Variants in AP2B1 observed in about 807,000 individuals in gnomAD.
AP2B1 encodes the protein AP-2 complex subunit beta.
AP2B1 carries 23 observed loss-of-function variants against 102.0 expected under a neutral mutation model. The observed-to-expected ratio is 0.23, with a 90% CI of 0.16 to 0.32. The LOEUF (loss-of-function observed/expected upper bound fraction) is 0.32, where lower values mean the gene tolerates loss of function less well. AP2B1 is among the 10% of genes least tolerant of loss of function. AP2B1 has a pLI of 1.00. For synonymous variants in AP2B1, 381 were observed against 421.2 expected, an observed-to-expected ratio of 0.90 and a Z score of 1.17; for missense variants, 541 against 1,157.4, an observed-to-expected ratio of 0.47 and a Z score of 7.73.
intron 11 of AP2B1, among the ~76,000 whole-genome samples, chr17:35,641,562 G>A (rs977615150): frequency 6.6e-6 from 1 of 152,102 alleles, no homozygotes. Context: ...GGGAGACCTT[G>A]TCTCAAAATA....
intron 5 of AP2B1, among the ~76,000 whole-genome samples, chr17:35,610,305 G>A (rs2073819909): frequency 1.3e-5 from 2 of 151,778 alleles, no homozygotes; most frequent in African/African-American, 4.8e-5. Context: ...CCACTACCAT[G>A]CCCGGCTAAT....
intron 13 of AP2B1, 64 bp downstream of exon 13, chr17:35,650,853 T>G: frequency 6.5e-7 from 1 of 1,545,996 alleles, no homozygotes; most frequent in East Asian, 2.3e-5. Flanking sequence ...TTGCTCTTCT[T>G]TATGCTTTTA....
At chr17:35,705,765 G>A (rs587606164) in intron 18 of AP2B1, among the ~76,000 whole-genome samples, 2 of 151,992 alleles carry the variant, frequency 1.3e-5, no homozygotes, top group African/African-American at 2.4e-5. Flanking sequence ...CAGGTAATCC[G>A]CCTGCCTCAG....
At position 35,666,037 on chromosome 17, in the gene AP2B1, CTT is replaced by C. The variant is rs3837826; in HGVS notation, c.1990-4819_1990-4818del. Among the ~76,000 whole-genome samples the C allele has an allele frequency of 1.4e-4, 22 of 152,252 alleles. No individual in the cohort carries two copies. The East Asian group carries it at 4.1e-3, about 28-fold the overall frequency. On this transcript the variant is annotated intron_variant, in intron 14 of 21. Transcript: ENST00000610402. ...ATTTATTCCCCTATATAACTTCAAT[CTT>C]GAGTTCCTTCTCTGTATTTCTGCTG...
intron 5 of AP2B1, among the ~76,000 whole-genome samples, chr17:35,608,789 C>T (rs2073770556): frequency 6.6e-6 from 1 of 152,168 alleles, no homozygotes; most frequent in Admixed American, 6.5e-5. Context: ...TAATTATTAT[C>T]ATGCATTTCT....
At chr17:35,616,309 C>T (rs547145340) in intron 5 of AP2B1, among the ~76,000 whole-genome samples, 6 of 151,556 alleles carry the variant, frequency 4.0e-5, no homozygotes, top group Admixed American at 2.6e-4. Flanking sequence ...GGACTACAGG[C>T]GCCCACCACT....
In AP2B1 at chr17:35,671,792, C is replaced by G. The variant is rs1161551291; in HGVS notation, c.2070C>G (p.Thr690=). The G allele has an allele frequency of 6.2e-7, 1 of 1,613,840 alleles. No homozygotes were observed. Among genetic ancestry groups the G allele is most frequent in the African/African-American group, 1.3e-5 (1 of 74,964 alleles). ...TCATCCCATCATCGGTGCCTGCAAC[C>G]TTTGCTCCTTCACCTACACCTGCTG... ...QSFIPSSVPA[T]FAPSPTPAVV... Residue 690 remains threonine (T), a synonymous_variant, in exon 16 of 22, where the codon ACC becomes ACG. Transcript: ENST00000610402.
intron 10 of AP2B1, among the ~76,000 whole-genome samples, chr17:35,638,125 C>T (rs988335735): frequency 2.0e-5 from 3 of 152,130 alleles, no homozygotes; most frequent in African/African-American, 7.2e-5. Flanking sequence ...CAGGCCTGTG[C>T]CACTGTGCCC....
rs199561649 is a variant in AP2B1 at position 35,706,818 on chromosome 17, T to TA, written c.2455-2406_2455-2405insA. ...ACCACACCCAACTAATATATATATA[T>TA]TTTTTTGTATTTTTAGTAGAGATGG... On this transcript the variant is annotated intron_variant, in intron 18 of 21. Transcript: ENST00000610402. Among the ~76,000 whole-genome samples the TA allele has an allele frequency of 6.5e-3, 987 of 151,784 alleles. 10 individuals carry two copies. Among genetic ancestry groups the TA allele is most frequent in the African/African-American group, 0.022 (924 of 41,392 alleles).
At chr17:35,680,966 A>C (rs1166358862) in intron 17 of AP2B1, among the ~76,000 whole-genome samples, 1 of 152,122 alleles carries the variant, frequency 6.6e-6, no homozygotes, top group Non-Finnish European at 1.5e-5. Flanking sequence ...AAGTGCTGAG[A>C]CTACAATTGT....
At chr17:35,642,161 CT>C (rs1255983723) in intron 12 of AP2B1, among the ~76,000 whole-genome samples, 186 bp downstream of exon 12, 2 of 152,106 alleles carry the variant, frequency 1.3e-5, no homozygotes, top group South Asian at 2.1e-4. Context: ...AATTCTGTGG[CT>C]TTTAAATGAG....
chr17:35,648,944 A>G (rs1440204470), intron 12 of AP2B1, among the ~76,000 whole-genome samples: 8 of 152,148 alleles, frequency 5.3e-5, no homozygotes, highest in Admixed American at 5.2e-4. Context: ...ATGAACATGT[A>G]TACAATTATT....
intron 14 of AP2B1, among the ~76,000 whole-genome samples, chr17:35,660,277 T>G (rs1353318539): frequency 7.2e-5 from 11 of 152,042 alleles, no homozygotes; most frequent in African/African-American, 2.4e-4. Flanking sequence ...GCCAGCACAC[T>G]GAGCCTGCAA....
intron 3 of AP2B1, among the ~76,000 whole-genome samples, chr17:35,603,574 A>G (rs146633883): frequency 0.014 from 2,098 of 152,286 alleles, 25 homozygotes; most frequent in Non-Finnish European, 0.02. Flanking sequence ...TAATTTCACT[A>G]AAAGGGAATC....
chr17:35,608,713 A>G (rs1395808159), intron 5 of AP2B1, among the ~76,000 whole-genome samples: 1 of 152,148 alleles, frequency 6.6e-6, no homozygotes, highest in African/African-American at 2.4e-5. Context: ...TTTTCTTCAG[A>G]TCAATATTTG....
At chr17:35,596,983 G>T in intron 2 of AP2B1, 1 of 664,218 alleles carries the variant, frequency 1.5e-6, no homozygotes. Flanking sequence ...GCGCCTTTCG[G>T]AGAGGAGCCT....
chr17:35,610,880 C>T (rs1048137416), intron 5 of AP2B1, among the ~76,000 whole-genome samples: 9 of 146,550 alleles, frequency 6.1e-5, no homozygotes, highest in Admixed American at 1.4e-4. Flanking sequence ...GCATTCCAGC[C>T]TGGGTGACGG....
chr17:35,706,646 C>T (rs1348471602), intron 18 of AP2B1, among the ~76,000 whole-genome samples: 1 of 151,648 alleles, frequency 6.6e-6, no homozygotes, highest in Non-Finnish European at 1.5e-5. Context: ...CCCCAGTTTT[C>T]ACTTTTTTTT....
intron 12 of AP2B1, among the ~76,000 whole-genome samples, chr17:35,642,927 T>C (rs1240385070): frequency 2.0e-5 from 3 of 152,158 alleles, no homozygotes; most frequent in African/African-American, 7.2e-5. Flanking sequence ...GTGGTTAATA[T>C]TATCTGTATT....
Sources: gnomAD v4.1 joint callset for allele counts (sites outside exome capture counted in the v4.1 genomes callset) on GRCh38, gnomAD v4.1.1 for gene constraint, MANE v1.5 for transcripts, NCBI Gene and HGNC (gene_info 2026-07-23, HGNC 2026-07-21) for gene names.